MAP1S: variants seen among roughly 807,000 people sequenced by gnomAD.
MAP1S encodes microtubule-associated protein 1S.
A neutral mutation model predicts 60.9 loss-of-function variants in MAP1S; 27 were observed. The ratio of observed to expected loss-of-function variants is 0.44; its 90% confidence interval spans 0.33 to 0.61. The LOEUF is 0.61. MAP1S is among the 20% of genes least tolerant of loss of function. MAP1S has a pLI of 0.03. For missense variants in MAP1S, 1,608 were observed against 1,486.6 expected (o/e 1.08, Z -1.34); for synonymous variants, 826 against 694.2 (o/e 1.19, Z -2.98).
intron 2 of MAP1S, among the ~76,000 whole-genome samples, chr19:17,722,754 AGAGAG>A (rs1264747395): frequency 7.9e-6 from 1 of 126,760 alleles, no homozygotes; most frequent in African/African-American, 2.7e-5. Flanking sequence ...ATCTCAAAAA[AGAGAG>A]AGAGAGAGAG....
chr19:17,724,273 G>C, intron 3 of MAP1S, 65 bp downstream of exon 3: 1 of 1,334,544 alleles, frequency 7.5e-7, no homozygotes, highest in South Asian at 1.2e-5. Flanking sequence ...CTGTCTTCCT[G>C]TCTCGTGTCC....
intron 5 of MAP1S, among the ~76,000 whole-genome samples, chr19:17,730,292 A>G (rs890974545): frequency 1.1e-4 from 17 of 152,124 alleles, no homozygotes; most frequent in Middle Eastern, 3.2e-3. Flanking sequence ...AGAAATGTCT[A>G]TTCAATTCCT....
chr19:17,729,491 C>G (rs934311301), intron 5 of MAP1S, among the ~76,000 whole-genome samples: 2 of 152,122 alleles, frequency 1.3e-5, no homozygotes, highest in Admixed American at 1.3e-4. Flanking sequence ...AGGAGGGTCT[C>G]TGGCCTGCTG....
At chr19:17,731,531 G>A (rs550076162) in intron 5 of MAP1S, among the ~76,000 whole-genome samples, 38 of 152,300 alleles carry the variant, frequency 2.5e-4, no homozygotes, top group African/African-American at 8.4e-4. Context: ...TTTGAAATCT[G>A]GAAGTGTGAG....
Position 17,726,500 on chromosome 19 carries a change from C to CA in MAP1S, c.1117dup (p.Ser373LysfsTer121). ...AGCTGGGCATCACGCCTCTGCCACT[C>CA]AGCCGCGGCCCCGTGCCAGCCAAAC... On this transcript the variant is annotated frameshift_variant, in exon 5 of 7. Coordinates refer to ENST00000324096, the MANE Select transcript of MAP1S (RefSeq NM_018174.6). LOFTEE classifies it high-confidence loss of function. 1 of 1,550,538 alleles carries CA rather than the reference C, an allele frequency of 6.4e-7. No homozygotes were observed. Among genetic ancestry groups the CA allele is most frequent in the Non-Finnish European group, 8.7e-7 (1 of 1,152,460 alleles).
chr19:17,733,387 G>A lies in MAP1S; in HGVS notation c.2983G>A (p.Ala995Thr), dbSNP rs1220515007. The A allele has an allele frequency of 1.2e-6, 2 of 1,610,340 alleles. No individual in the cohort carries two copies. The highest frequency in any genetic ancestry group is 1.7e-6 in the Non-Finnish European group (2 of 1,178,708). ...KEEGMRAVLD[A>T]LLASKQHWDR... is the part of the protein sequence containing the mutation. The stretch of plus-strand genomic sequence containing the variant: ...GGAAGGCATGCGGGCCGTCCTGGAC[G>A]CGCTACTGGCCAGCAAGCAGCATTG... Residue 995 changes from alanine to threonine, a missense_variant, in exon 6 of 7, where the codon GCG becomes ACG. This residue lies in a region of MAP1S where 76 missense variants were observed against 110.1 expected (regional missense o/e 0.69). Coordinates refer to ENST00000324096, the MANE Select transcript of MAP1S (RefSeq NM_018174.6).
At chr19:17,731,058 AT>A (rs887501071) in intron 5 of MAP1S, among the ~76,000 whole-genome samples, 1 of 150,718 alleles carries the variant, frequency 6.6e-6, no homozygotes, top group Non-Finnish European at 1.5e-5. Flanking sequence ...CACCTGGCTA[AT>A]TTTTTTTGTG....
At chr19:17,720,707 TGGA>T in intron 1 of MAP1S, 1 of 621,346 alleles carries the variant, frequency 1.6e-6, no homozygotes, top group East Asian at 2.8e-5. Flanking sequence ...ATGGAGGAGG[TGGA>T]GGCTTTGTTG....
In MAP1S at chr19:17,727,481, G is replaced by A. The variant is rs555559872; in HGVS notation, c.2097G>A (p.Ser699=). 6.2e-6 allele frequency: 10 copies of A among 1,610,122 alleles called. No individual in the cohort carries two copies. The highest frequency in any genetic ancestry group is 1.1e-5 in the South Asian group (1 of 90,692). The stretch of plus-strand genomic sequence containing the variant: ...CGACCGAGGTGGACGAGTCCCTGTC[G>A]GTGTCCTTTGAGCAGGTGCTGCCGC... ...PHSTEVDESL[S]VSFEQVLPPS... Residue 699 remains serine (S), a synonymous_variant, in exon 5 of 7, where the codon TCG becomes TCA. Coordinates refer to ENST00000324096, the MANE Select transcript of MAP1S (RefSeq NM_018174.6). This position sits in a 1 kb window ranked among gnomAD's most constrained non-coding sequence, Gnocchi z 4.1.
At position 17,725,744 on chromosome 19, in the gene MAP1S, G is replaced by C; in HGVS notation, c.445-85G>C. On this transcript the variant is annotated intron_variant, in intron 4 of 6. Coordinates refer to ENST00000324096, the MANE Select transcript of MAP1S (RefSeq NM_018174.6). This position sits in a 1 kb window ranked among gnomAD's most constrained non-coding sequence, Gnocchi z 4.2. Reference sequence around the variant, plus strand: ...CTGAGGAGCAGGCCCTGGGGGAAAGGATGAGGGTGTCCTCGCCCAGTTTTC... The same window carrying C: ...CTGAGGAGCAGGCCCTGGGGGAAAGCATGAGGGTGTCCTCGCCCAGTTTTC... 7.2e-7 allele frequency: 1 copy of C among 1,381,924 alleles called. No individual in the cohort carries two copies. Among genetic ancestry groups the C allele is most frequent in the Non-Finnish European group, 9.9e-7 (1 of 1,012,222 alleles). 85.6% of individuals were successfully genotyped at this position (1,381,924 alleles called of 1,614,324 possible).
rs760764514 is a variant in MAP1S at position 17,725,080 on chromosome 19, A to G, written c.335A>G (p.His112Arg). The stretch of plus-strand genomic sequence containing the variant: ...AACCTTCTGTTGGACCCTGCCTCTC[A>G]CAAGCTACTGGTGTTGGCTGGGCCC... Reference protein sequence around the residue: ...LRNLLLDPASHKLLVLAGPCL... With the variant: ...LRNLLLDPASRKLLVLAGPCL... Residue 112 changes from histidine to arginine, a missense_variant, in exon 4 of 7, where the codon CAC (histidine) becomes CGC (arginine). Physicochemically the swap from His to Arg is conservative, Grantham distance 29 (BLOSUM62 0). Coordinates refer to ENST00000324096, the MANE Select transcript of MAP1S (RefSeq NM_018174.6). The surrounding 1 kb of genome is among the most constrained non-coding windows in gnomAD (Gnocchi z 4.2). 1.9e-6 allele frequency: 3 copies of G among 1,614,022 alleles called. No homozygotes were observed. Among genetic ancestry groups the G allele is most frequent in the Non-Finnish European group, 2.5e-6 (3 of 1,179,988 alleles).
chr19:17,725,143 G>A lies in MAP1S; in HGVS notation c.398G>A (p.Gly133Glu). ...EETGELLLQTGGFSPHHFLQV... is the reference protein window; with the variant it reads ...EETGELLLQTEGFSPHHFLQV... ...ACGGGGGAGCTGCTGCTACAGACAGGGGGCTTCTCGCCTCACCACTTCCTC... is the reference window on the plus strand; with the variant it reads ...ACGGGGGAGCTGCTGCTACAGACAGAGGGCTTCTCGCCTCACCACTTCCTC... The change falls in exon 4 of 7, where the codon GGG becomes GAG. Residue 133 changes from glycine to glutamate, a missense_variant. Gly to Glu is a moderately conservative substitution (Grantham distance 98). Transcript: ENST00000324096. This position sits in a 1 kb window ranked among gnomAD's most constrained non-coding sequence, Gnocchi z 4.2. 6.2e-7 allele frequency: 1 copy of A among 1,614,102 alleles called. No homozygotes were observed. Among genetic ancestry groups the A allele is most frequent in the Non-Finnish European group, 8.5e-7 (1 of 1,180,006 alleles).
At chr19:17,721,160 C>T in intron 2 of MAP1S, 123 bp downstream of exon 2, 1 of 801,338 alleles carries the variant, frequency 1.2e-6, no homozygotes, top group Non-Finnish European at 2.2e-6. Flanking sequence ...CAGTTGAGAC[C>T]TTTCAAATGC....
rs1434933162 is a variant in MAP1S at position 17,719,569 on chromosome 19, G to A, written c.67G>A (p.Glu23Lys). 4 of 1,246,026 alleles carry A rather than the reference G, an allele frequency of 3.2e-6. No individual in the cohort carries two copies. The allele number at this position is 1,246,026 out of a possible 1,614,324, so 77.2% of individuals were successfully genotyped here. ...CTCACTGCTCCTCGTGGTGGGCAGCGAGTTCGGGAGCCCGGGGCTCCTCAC... is the reference window on the plus strand; with the variant it reads ...CTCACTGCTCCTCGTGGTGGGCAGCAAGTTCGGGAGCCCGGGGCTCCTCAC... ...PSSLLLVVGS[E>K]FGSPGLLTYV... Residue 23 changes from glutamate (E) to lysine (K), a missense_variant, in exon 1 of 7, where the codon GAG (glutamate) becomes AAG (lysine). By Grantham distance (56) the Glu-to-Lys change is moderately conservative. Coordinates refer to ENST00000324096, the MANE Select transcript of MAP1S (RefSeq NM_018174.6).
chr19:17,726,843 C>T lies in MAP1S; in HGVS notation c.1459C>T (p.Leu487Phe), dbSNP rs561065746. The T allele has an allele frequency of 4.5e-6, 7 of 1,554,328 alleles. No individual in the cohort carries two copies. The highest frequency in any genetic ancestry group is 4.8e-5 in the East Asian group (2 of 41,298). The change falls in exon 5 of 7, where the codon CTC becomes TTC. Residue 487 changes from leucine to phenylalanine, a missense_variant. This residue lies in a region of MAP1S where 1,167 missense variants were observed against 961.4 expected (regional missense o/e 1.21). Transcript: ENST00000324096. ...CCGGGACAGCTCGAAGAGAGAGGGCCTCCTGGCCACCCACCCTAGACCTGG... is the reference window on the plus strand; with the variant it reads ...CCGGGACAGCTCGAAGAGAGAGGGCTTCCTGGCCACCCACCCTAGACCTGG... ...GSRDSSKREG[L>F]LATHPRPGQE...
At chr19:17,720,902 C>A in intron 1 of MAP1S, 34 bp from the exon 2 acceptor site, 1 of 1,548,988 alleles carries the variant, frequency 6.5e-7, no homozygotes, top group Non-Finnish European at 8.9e-7. Context: ...GGGGGCCCGG[C>A]TGAACTCCCG....
At chr19:17,724,235 G>T in intron 3 of MAP1S, 27 bp downstream of exon 3, 1 of 1,597,902 alleles carries the variant, frequency 6.3e-7, no homozygotes, top group South Asian at 1.1e-5. Context: ...GTCCTGGAGG[G>T]GGCGGGCTGC....
In MAP1S at chr19:17,733,375, G is replaced by A. The variant is rs764956786; in HGVS notation, c.2971G>A (p.Ala991Thr). ...CCAGCGCAAGGAGGAAGGCATGCGG[G>A]CCGTCCTGGACGCGCTACTGGCCAG... ...QDQRKEEGMRAVLDALLASKQ... is the reference protein window; with the variant it reads ...QDQRKEEGMRTVLDALLASKQ... The change falls in exon 6 of 7, where the codon GCC becomes ACC. Residue 991 changes from alanine (A) to threonine (T), a missense_variant. Around this residue, in one of 4 missense-constraint regions of MAP1S, gnomAD observed 76 missense variants for 110.1 expected, o/e 0.69. Transcript: ENST00000324096. 1.2e-5 allele frequency: 19 copies of A among 1,611,454 alleles called. No individual in the cohort carries two copies. In the African/African-American group the frequency reaches 2.1e-4, roughly 18 times the overall value.
At chr19:17,732,403 C>T (rs1035051847) in intron 5 of MAP1S, among the ~76,000 whole-genome samples, 4 of 152,190 alleles carry the variant, frequency 2.6e-5, no homozygotes, top group East Asian at 3.8e-4. Flanking sequence ...TTCTTGTGCC[C>T]GAGACCCAGC....
Sources: allele counts gnomAD v4.1 joint callset (sites outside exome capture counted in the v4.1 genomes callset), GRCh38; gene constraint gnomAD v4.1.1; regional missense constraint gnomAD v4.1.1; non-coding constraint Gnocchi (gnomAD v3.1); transcripts MANE v1.5; gene names NCBI Gene and HGNC (gene_info 2026-07-23, HGNC 2026-07-21).